Variants in KCNAB1 observed in about 807,000 individuals in gnomAD.
KCNAB1 encodes voltage-gated potassium channel subunit beta-1.
In KCNAB1, 35 loss-of-function variants were observed where a neutral mutation model predicts 64.6. The ratio of observed to expected loss-of-function variants is 0.54; its 90% confidence interval spans 0.41 to 0.72. The LOEUF (loss-of-function observed/expected upper bound fraction) is 0.72, where lower values mean the gene tolerates loss of function less well. Ranked by LOEUF, KCNAB1 falls within the 30% of genes least tolerant of loss-of-function variation. The pLI is 0.00. For missense variants in KCNAB1, 401 were observed against 512.9 expected, an observed-to-expected ratio of 0.78 and a Z score of 2.11; for synonymous variants, 177 against 183.8, an observed-to-expected ratio of 0.96 and a Z score of 0.30.
chr3:156,443,079 A>G (rs6441069), intron 2 of KCNAB1, among the ~76,000 whole-genome samples: 101,081 of 152,018 alleles, frequency 0.66, 33,923 homozygotes, highest in East Asian at 0.76. Flanking sequence ...TACATGTGCA[A>G]GATGTGCAGG....
At chr3:156,462,956 A>G (rs971096315) in intron 5 of KCNAB1, among the ~76,000 whole-genome samples, 5 of 152,186 alleles carry the variant, frequency 3.3e-5, no homozygotes, top group Non-Finnish European at 7.3e-5. Flanking sequence ...TCAGAAGGTA[A>G]TAAGTTTGCT....
At chr3:156,488,102 T>G (rs888899843) in intron 8 of KCNAB1, among the ~76,000 whole-genome samples, 11 of 152,090 alleles carry the variant, frequency 7.2e-5, no homozygotes, top group African/African-American at 2.7e-4. Context: ...CCTGGCCTTG[T>G]GCATTTATTC....
In KCNAB1 at chr3:156,236,521, G is replaced by A. The variant is rs1018509574; in HGVS notation, c.275+115635G>A. Among the ~76,000 whole-genome samples, 51 of 152,292 alleles carry A rather than the reference G, an allele frequency of 3.3e-4. 1 individual carries two copies. The highest frequency in any genetic ancestry group is 3.4e-3 in the Middle Eastern group (1 of 294). On this transcript the variant is annotated intron_variant, in intron 1 of 13. Coordinates refer to ENST00000490337, the MANE Select transcript of KCNAB1 (RefSeq NM_172160.3). ...AGCCATAAGTCTATGACCGTGGAGG[G>A]AACTGCCAACCTAACAGCCATTTGG...
At chr3:156,449,538 C>A (rs1417570139) in intron 2 of KCNAB1, among the ~76,000 whole-genome samples, 1 of 152,190 alleles carries the variant, frequency 6.6e-6, no homozygotes, top group African/African-American at 2.4e-5. Flanking sequence ...ACTTCAGTAC[C>A]GTTTTTGCAT....
intron 8 of KCNAB1, among the ~76,000 whole-genome samples, chr3:156,492,241 A>G (rs1715683827): frequency 6.6e-6 from 1 of 152,168 alleles, no homozygotes; most frequent in Non-Finnish European, 1.5e-5. Flanking sequence ...ATTAAGTGCT[A>G]TAAAGAATAA....
chr3:156,509,454 G>A lies in KCNAB1; in HGVS notation c.659-4910G>A, dbSNP rs147178408. 7.3e-3 allele frequency among the ~76,000 whole-genome samples: 1,112 copies of A among 152,248 alleles called. 10 individuals carry two copies. The highest frequency in any genetic ancestry group is 0.01 in the Non-Finnish European group (691 of 68,016). ...ACCATTGGTGTAGACAAGCACGTTG[G>A]TTCTAAATCCTGGCTGCACACTAGA... On this transcript the variant is annotated intron_variant, in intron 8 of 13. Coordinates refer to ENST00000490337, the MANE Select transcript of KCNAB1 (RefSeq NM_172160.3).
chr3:156,276,297 C>T (rs562296678), intron 1 of KCNAB1, among the ~76,000 whole-genome samples: 101 of 152,238 alleles, frequency 6.6e-4, no homozygotes, highest in Admixed American at 1.2e-3. Context: ...GTGCTGTCAT[C>T]CAGGCTTTGT....
Position 156,408,829 on chromosome 3 carries a change from C to A in KCNAB1, c.276-12787C>A, listed in dbSNP as rs575633030. Reference sequence around the variant, plus strand: ...TAAATAACCTGAGTTCAGGTATAGGCAAAATAAAGTATGTGTTTATGTTCA... The same window carrying A: ...TAAATAACCTGAGTTCAGGTATAGGAAAAATAAAGTATGTGTTTATGTTCA... On this transcript the variant is annotated intron_variant, in intron 1 of 13. Coordinates refer to ENST00000490337, the MANE Select transcript of KCNAB1 (RefSeq NM_172160.3). 6.6e-5 allele frequency among the ~76,000 whole-genome samples: 10 copies of A among 151,758 alleles called. No individual in the cohort carries two copies. In the East Asian group the frequency reaches 1.2e-3, roughly 18 times the overall value.
intron 1 of KCNAB1, among the ~76,000 whole-genome samples, chr3:156,297,478 C>T (rs1453024216): frequency 2.0e-5 from 3 of 149,668 alleles, no homozygotes; most frequent in African/African-American, 2.5e-5. Flanking sequence ...GGCAGTTGTT[C>T]CAGAAAAAAA....
intron 1 of KCNAB1, among the ~76,000 whole-genome samples, chr3:156,324,052 C>CT (rs879619185): frequency 1.3e-4 from 19 of 148,956 alleles, no homozygotes; most frequent in African/African-American, 1.7e-4. Context: ...ATTTATTTTG[C>CT]TTTTTTTTTT....
At chr3:156,233,589 G>GTTT (rs1357723923) in intron 1 of KCNAB1, among the ~76,000 whole-genome samples, 1 of 152,146 alleles carries the variant, frequency 6.6e-6, no homozygotes, top group African/African-American at 2.4e-5. Flanking sequence ...TGAGTAGAGT[G>GTTT]TTTTAGCATA....
intron 8 of KCNAB1, among the ~76,000 whole-genome samples, chr3:156,513,460 G>T (rs1312348379): frequency 6.6e-6 from 1 of 152,208 alleles, no homozygotes; most frequent in Non-Finnish European, 1.5e-5. Flanking sequence ...CAAGGCCTGT[G>T]ACCCTTTGAA....
At chr3:156,336,164 A>AT (rs2108054983) in intron 1 of KCNAB1, among the ~76,000 whole-genome samples, 1 of 152,314 alleles carries the variant, frequency 6.6e-6, no homozygotes, top group African/African-American at 2.4e-5. Context: ...GTTCGAAACC[A>AT]GCCTGGCCAA....
intron 1 of KCNAB1, among the ~76,000 whole-genome samples, chr3:156,334,753 T>G (rs1426309133): frequency 6.6e-6 from 1 of 152,220 alleles, no homozygotes; most frequent in Admixed American, 6.5e-5. Flanking sequence ...CTTCCTGTTT[T>G]GGCCTTCTTC....
chr3:156,183,687 C>T (rs1176719044), intron 1 of KCNAB1, among the ~76,000 whole-genome samples: 1 of 152,190 alleles, frequency 6.6e-6, no homozygotes, highest in East Asian at 1.9e-4. Flanking sequence ...TAGTACAGAA[C>T]CTAGGTCCTT....
chr3:156,290,906 GAGAAAAGGAACTC>G, intron 1 of KCNAB1: 1 of 937,240 alleles, frequency 1.1e-6, no homozygotes, highest in Non-Finnish European at 1.3e-6. Flanking sequence ...AACTTGCAGA[GAGAAAAGGAACTC>G]TGACAAGGCT....
intron 1 of KCNAB1, among the ~76,000 whole-genome samples, chr3:156,371,401 C>CTT (rs1201270822): frequency 6.6e-6 from 1 of 152,174 alleles, no homozygotes; most frequent in African/African-American, 2.4e-5. Flanking sequence ...CAAATGTTTG[C>CTT]TTCTAACATC....
chr3:156,249,545 G>A (rs1380497438), intron 1 of KCNAB1, among the ~76,000 whole-genome samples: 1 of 145,224 alleles, frequency 6.9e-6, no homozygotes, highest in African/African-American at 2.6e-5. Flanking sequence ...CTGGGTGACA[G>A]AGCAAGACTC....
At chr3:156,509,109 G>T (rs143408386) in intron 8 of KCNAB1, among the ~76,000 whole-genome samples, 1 of 152,000 alleles carries the variant, frequency 6.6e-6, no homozygotes, top group Admixed American at 6.6e-5. Context: ...GAGAGAGAGA[G>T]AGTAGATATC....
Sources: allele counts gnomAD v4.1 joint callset (sites outside exome capture counted in the v4.1 genomes callset), GRCh38; gene constraint gnomAD v4.1.1; transcripts MANE v1.5; gene names NCBI Gene and HGNC (gene_info 2026-07-23, HGNC 2026-07-21).